The following ADARB2 variants were observed in gnomAD, a reference collection of about 807,000 sequenced individuals.
The protein encoded by ADARB2 is inactive double-stranded RNA-specific editase B2.
A neutral mutation model predicts 62.2 loss-of-function variants in ADARB2; 25 were observed. That is an observed-to-expected ratio of 0.40 (90% confidence interval 0.29 to 0.56). The LOEUF (loss-of-function observed/expected upper bound fraction) is 0.56, where lower values mean the gene tolerates loss of function less well. ADARB2 is among the 20% of genes least tolerant of loss of function. ADARB2 has a pLI of 0.43. For missense variants in ADARB2, 1,071 were observed against 1,077.4 expected, an observed-to-expected ratio of 0.99 and a Z score of 0.08; for synonymous variants, 572 against 500.8, an observed-to-expected ratio of 1.14 and a Z score of -1.90.
At chr10:1,630,131 T>A (rs770304030) in intron 1 of ADARB2, among the ~76,000 whole-genome samples, 2 of 152,190 alleles carry the variant, frequency 1.3e-5, no homozygotes. Context: ...TGGCTTTGAG[T>A]GTTTCATCTT....
chr10:1,497,058 C>T (rs61831914), intron 1 of ADARB2, among the ~76,000 whole-genome samples: 23,955 of 152,128 alleles, frequency 0.16, 2,257 homozygotes, highest in Middle Eastern at 0.23. Context: ...TGACAGTGAC[C>T]CTGTCACTGG....
rs1830932862 is a variant in ADARB2 at position 1,242,272 on chromosome 10, A to G, written c.1220T>C (p.Val407Ala). ...GCACTTGGTCCCCGAGGACAGGGCC[A>G]CGACCTGCGCCTGCCGAGCATCCAG... The part of the protein sequence containing the change: ...KGLDARQAQV[V>A]ALSSGTKCIS... The change falls in exon 5 of 10, where the codon GTG becomes GCG. Residue 407 changes from valine to alanine, a missense_variant. Coordinates refer to ENST00000381312, the MANE Select transcript of ADARB2 (RefSeq NM_018702.4). The G allele has an allele frequency of 1.9e-6, 3 of 1,573,348 alleles. No homozygotes were observed. The highest frequency in any genetic ancestry group is 1.3e-5 in the African/African-American group (1 of 74,400).
rs577959137 is a variant in ADARB2, at chr10:1,348,342, A to G, written c.1077+14686T>C. Among the ~76,000 whole-genome samples the G allele has an allele frequency of 2.1e-4, 32 of 152,176 alleles. 1 individual carries two copies. The highest frequency in any genetic ancestry group is 1.0e-3 in the South Asian group (5 of 4,824). On this transcript the variant is annotated intron_variant, in intron 3 of 9. Transcript: ENST00000381312. The stretch of plus-strand genomic sequence containing the variant: ...GTCTGGGATGTGGGTTTCCTGGGTG[A>G]GCGGTTGAGGGGCCTCTGTGGTGAC...
rs1186805013 is a variant in ADARB2 at position 1,363,376 on chromosome 10, G to A, written c.729C>T (p.Asp243=). The A allele has an allele frequency of 1.5e-6, 2 of 1,322,082 alleles. No homozygotes were observed. Among genetic ancestry groups the A allele is most frequent in the East Asian group, 3.1e-5 (1 of 31,764 alleles). The allele number at this position is 1,322,082 out of a possible 1,614,324, so 81.9% of individuals were successfully genotyped here. The change falls in exon 3 of 10, where the codon GAC becomes GAT. Residue 243 remains aspartate, a synonymous_variant. Transcript: ENST00000381312. Reference sequence around the variant, plus strand: ...CGTAGGCCGCGGACAGAAGCGCGGCGTCCCCGGGGCGGCCTCCCGCGAGTC... The same window carrying A: ...CGTAGGCCGCGGACAGAAGCGCGGCATCCCCGGGGCGGCCTCCCGCGAGTC... ...RPGLAGGRPG[D]AALLSAAYGR...
chr10:1,530,654 T>A (rs947309435), intron 1 of ADARB2, among the ~76,000 whole-genome samples: 20 of 152,148 alleles, frequency 1.3e-4, no homozygotes, highest in African/African-American at 4.6e-4. Context: ...CTAGACAAGA[T>A]CCGTTTAGAA....
chr10:1,207,937 C>T (rs557106964), intron 7 of ADARB2, among the ~76,000 whole-genome samples: 1 of 152,320 alleles, frequency 6.6e-6, no homozygotes, highest in East Asian at 1.9e-4. Context: ...AGAGTCTAGC[C>T]TGGCTCCATA....
At chr10:1,203,131 C>T (rs765825344) in intron 7 of ADARB2, among the ~76,000 whole-genome samples, 6 of 152,158 alleles carry the variant, frequency 3.9e-5, no homozygotes, top group Non-Finnish European at 7.3e-5. Flanking sequence ...GCTGATATTA[C>T]TGCAATGTTG....
chr10:1,360,244 T>A (rs998001893), intron 3 of ADARB2, among the ~76,000 whole-genome samples: 1 of 152,232 alleles, frequency 6.6e-6, no homozygotes, highest in Non-Finnish European at 1.5e-5. Flanking sequence ...GAGGGCGGCC[T>A]TTCCCCCCAG....
chr10:1,539,345 C>A (rs1832380017), intron 1 of ADARB2, among the ~76,000 whole-genome samples: 2 of 152,218 alleles, frequency 1.3e-5, no homozygotes. Context: ...GTTAGGCACT[C>A]ACTCCACAGC....
At chr10:1,727,687 TTA>T (rs150155092) in intron 1 of ADARB2, among the ~76,000 whole-genome samples, 2 of 151,512 alleles carry the variant, frequency 1.3e-5, no homozygotes, top group Non-Finnish European at 2.9e-5. Flanking sequence ...TGATGATAAT[TTA>T]TATATATATA....
At chr10:1,414,092 G>A (rs1334542495) in intron 1 of ADARB2, among the ~76,000 whole-genome samples, 2 of 152,208 alleles carry the variant, frequency 1.3e-5, no homozygotes, top group Non-Finnish European at 2.9e-5. Context: ...GCTCGGCTCA[G>A]GGGGCTGCCC....
intron 1 of ADARB2, among the ~76,000 whole-genome samples, chr10:1,600,707 C>T (rs1347273637): frequency 6.9e-6 from 1 of 144,050 alleles, no homozygotes; most frequent in African/African-American, 2.6e-5. Flanking sequence ...CCAGAAAGGA[C>T]ACTAATTTAT....
At chr10:1,489,869 G>T (rs1034423587) in intron 1 of ADARB2, among the ~76,000 whole-genome samples, 1 of 152,164 alleles carries the variant, frequency 6.6e-6, no homozygotes, top group Admixed American at 6.5e-5. Context: ...TATCTGGTGA[G>T]CCTGAATGAG....
At position 1,229,263 on chromosome 10, in the gene ADARB2, G is replaced by A. The variant is rs373311537; in HGVS notation, c.1513+4431C>T. Among the ~76,000 whole-genome samples the A allele has an allele frequency of 1.5e-4, 23 of 152,306 alleles. No individual in the cohort carries two copies. The East Asian group carries it at 3.3e-3, about 22-fold the overall frequency. ...AGCCACATGCATCCCAGGAAAGTGG[G>A]GCTGGATGGCAACCCCAGGGCCCTT... On this transcript the variant is annotated intron_variant, in intron 6 of 9. Transcript: ENST00000381312.
intron 1 of ADARB2, among the ~76,000 whole-genome samples, chr10:1,413,679 G>T (rs1372751435): frequency 6.6e-6 from 1 of 152,146 alleles, no homozygotes; most frequent in Non-Finnish European, 1.5e-5. Context: ...CTGGGGCCGG[G>T]CCTTCTGTTC....
rs1416000082 is a variant in ADARB2, at chr10:1,428,649, T to G, written c.101-49489A>C. Among the ~76,000 whole-genome samples the G allele has an allele frequency of 2.7e-5, 4 of 149,360 alleles. No individual in the cohort carries two copies. The East Asian group carries it at 8.1e-4, about 30-fold the overall frequency. ...ACTATGGAAATGGAGAACAGATTAG[T>G]GGTTGTCATGGGTTAGAGATTGGGG... On this transcript the variant is annotated intron_variant, in intron 1 of 9. Coordinates refer to ENST00000381312, the MANE Select transcript of ADARB2 (RefSeq NM_018702.4).
At chr10:1,576,546 G>T (rs1833024398) in intron 1 of ADARB2, among the ~76,000 whole-genome samples, 1 of 152,180 alleles carries the variant, frequency 6.6e-6, no homozygotes, top group Non-Finnish European at 1.5e-5. Context: ...GTGAACTGCA[G>T]GTGGGACCCC....
At chr10:1,493,839 A>T (rs1412923014) in intron 1 of ADARB2, among the ~76,000 whole-genome samples, 1 of 132,600 alleles carries the variant, frequency 7.5e-6, no homozygotes, top group Non-Finnish European at 1.5e-5. Context: ...GCTCACTGCA[A>T]CCTCCGCCTC....
intron 1 of ADARB2, among the ~76,000 whole-genome samples, chr10:1,437,300 G>A (rs921090372): frequency 6.6e-6 from 1 of 151,630 alleles, no homozygotes; most frequent in Admixed American, 6.6e-5. Context: ...CTTTCCATAT[G>A]TGTGTGTGTG....
Sources: gnomAD v4.1 joint callset for allele counts (sites outside exome capture counted in the v4.1 genomes callset) on GRCh38, gnomAD v4.1.1 for gene constraint, MANE v1.5 for transcripts, NCBI Gene and HGNC (gene_info 2026-07-23, HGNC 2026-07-21) for gene names.